BDP1: variants seen among roughly 807,000 people sequenced by gnomAD.
The protein encoded by BDP1 is transcription factor TFIIIB component B'' homolog.
In BDP1, 169 loss-of-function variants were observed where a neutral mutation model predicts 266.6. The observed-to-expected ratio is 0.63, with a 90% CI of 0.56 to 0.72. BDP1 has a LOEUF of 0.72. Among genes scored for constraint, BDP1 ranks in the 30% least tolerant of loss-of-function variants. The pLI is 0.00. For synonymous variants in BDP1, 1,090 were observed against 1,022.4 expected (o/e 1.07, Z -1.26); for missense variants, 3,015 against 3,053.8 (o/e 0.99, Z 0.30).
chr5:71,498,796 TC>T (rs1354569427), intron 13 of BDP1, among the ~76,000 whole-genome samples: 1 of 151,248 alleles, frequency 6.6e-6, no homozygotes, highest in Non-Finnish European at 1.5e-5. Context: ...TGATCCTGGC[TC>T]ACTGCAGCCT....
At chr5:71,513,120 A>T in intron 18 of BDP1, 65 bp from the exon 19 acceptor site, 1 of 1,113,806 alleles carries the variant, frequency 9.0e-7, no homozygotes, top group South Asian at 1.4e-5. Context: ...CTAAGGTTGT[A>T]CTGAGACTCC....
chr5:71,560,347 C>T (rs1454250851), intron 37 of BDP1, 110 bp downstream of exon 37: 2 of 1,172,818 alleles, frequency 1.7e-6, no homozygotes, highest in Admixed American at 3.0e-5. Context: ...AAACATATTC[C>T]TCCATCAGTA....
intron 12 of BDP1, among the ~76,000 whole-genome samples, chr5:71,496,586 C>G (rs775053739): frequency 6.6e-6 from 1 of 151,904 alleles, no homozygotes; most frequent in Non-Finnish European, 1.5e-5. Context: ...TATAGGTGCT[C>G]GCCACCACAT....
In BDP1 at chr5:71,501,633, A is replaced by AGAAGCT; in HGVS notation, c.2032_2037dup (p.Ala678_Glu679dup). On this transcript the variant is annotated inframe_insertion, in exon 14 of 39. Coordinates refer to ENST00000358731, the MANE Select transcript of BDP1 (RefSeq NM_018429.3). ...TGGAGACTACAGAGAGAGAGAATCC[A>AGAAGCT]GAAGCTGAAACTGTATCTGTGTGAG... is the stretch of plus-strand genomic sequence containing the variant. 6.4e-7 allele frequency: 1 copy of AGAAGCT among 1,565,608 alleles called. No homozygotes were observed. The highest frequency in any genetic ancestry group is 8.8e-7 in the Non-Finnish European group (1 of 1,136,982).
intron 7 of BDP1, among the ~76,000 whole-genome samples, chr5:71,483,430 T>C (rs1016161578): frequency 3.3e-5 from 5 of 152,210 alleles, no homozygotes; most frequent in Non-Finnish European, 7.3e-5. Flanking sequence ...AAATTTCACT[T>C]AGTTGTTTCT....
At chr5:71,559,355 AT>A (rs1743466022) in intron 36 of BDP1, among the ~76,000 whole-genome samples, 1 of 152,206 alleles carries the variant, frequency 6.6e-6, no homozygotes, top group Non-Finnish European at 1.5e-5. Flanking sequence ...GTTCTATGCT[AT>A]CTTTAATTAG....
At chr5:71,572,695 C>A (rs572546679), downstream of BDP1, among the ~76,000 whole-genome samples, 1 of 152,178 alleles carries the variant, frequency 6.6e-6, no homozygotes, top group Non-Finnish European at 1.5e-5. Context: ...GAGGTTATTA[C>A]GCATAACCCA....
intron 7 of BDP1, among the ~76,000 whole-genome samples, chr5:71,481,901 T>G (rs1290646641): frequency 6.6e-6 from 1 of 152,218 alleles, no homozygotes; most frequent in African/African-American, 2.4e-5. Flanking sequence ...GCTGCTTTAA[T>G]GCATTAGTAC....
intron 35 of BDP1, 29 bp downstream of exon 35, chr5:71,553,349 A>G (rs1561785479): frequency 6.6e-6 from 10 of 1,522,494 alleles, no homozygotes; most frequent in African/African-American, 2.7e-5. Context: ...ACCACTCAAT[A>G]TGGCCATTAA....
At chr5:71,515,756 A>G (rs1427060462) in intron 20 of BDP1, among the ~76,000 whole-genome samples, 21 of 152,108 alleles carry the variant, frequency 1.4e-4, no homozygotes, top group Admixed American at 1.4e-3. Flanking sequence ...ATCTTCATAA[A>G]ATGAAACTCT....
In BDP1 at chr5:71,489,580, A is replaced by G; in HGVS notation, c.1390A>G (p.Arg464Gly). 6.2e-7 allele frequency: 1 copy of G among 1,614,098 alleles called. No individual in the cohort carries two copies. ...ALEVDLNQKK[R>G]RRKKQDGANE... ...AGAAGTAGACCTAAATCAAAAGAAAAGAAGGAGGAAGAAGCAAGATGGAGC... is the reference window on the plus strand; with the variant it reads ...AGAAGTAGACCTAAATCAAAAGAAAGGAAGGAGGAAGAAGCAAGATGGAGC... Residue 464 changes from arginine to glycine, a missense_variant, in exon 10 of 39, where the codon AGA (arginine) becomes GGA (glycine). Physicochemically the swap from Arg to Gly is moderately radical, Grantham distance 125. This residue lies in a region of BDP1 where 2,383 missense variants were observed against 2,404.9 expected (regional missense o/e 0.99). Transcript: ENST00000358731.
chr5:71,549,400 T>C lies in BDP1; in HGVS notation c.6809-20T>C. 11 of 1,581,120 alleles carry C rather than the reference T, an allele frequency of 7.0e-6. No individual in the cohort carries two copies. Among genetic ancestry groups the C allele is most frequent in the Non-Finnish European group, 9.5e-6 (11 of 1,162,242 alleles). Reference sequence around the variant, plus strand: ...TTTCATAGTTGAGCTTTTTTATTACTAACTTTTAAACTTTGATAGTGAATC... The same window carrying C: ...TTTCATAGTTGAGCTTTTTTATTACCAACTTTTAAACTTTGATAGTGAATC... On this transcript the variant is annotated intron_variant, in intron 33 of 38. Transcript: ENST00000358731.
chr5:71,552,654 C>T (rs1420707983), intron 34 of BDP1, among the ~76,000 whole-genome samples: 2 of 152,232 alleles, frequency 1.3e-5, no homozygotes, highest in African/African-American at 4.8e-5. Flanking sequence ...CCCGTCTCCA[C>T]CAAAAAAATA....
downstream of BDP1, among the ~76,000 whole-genome samples, chr5:71,569,661 A>T (rs1268218292): frequency 6.6e-6 from 1 of 152,070 alleles, no homozygotes; most frequent in Non-Finnish European, 1.5e-5. Context: ...TGGGAGGATC[A>T]CTTGAGCCCA....
chr5:71,512,061 A>G (rs1764949925), intron 17 of BDP1, among the ~76,000 whole-genome samples, 180 bp from the exon 18 acceptor site: 1 of 152,114 alleles, frequency 6.6e-6, no homozygotes, highest in Admixed American at 6.6e-5. Flanking sequence ...ATAATATGCA[A>G]CATAAAAGGG....
rs371357111 is a variant in BDP1 at position 71,547,155 on chromosome 5, C to CT, written c.6745-1518dup. ...GGTGTGAGCCACCACGCCTGGCCAG[C>CT]TTTTTTTTTATTTTTCTTAAATTCA... On this transcript the variant is annotated intron_variant, in intron 32 of 38. Coordinates refer to ENST00000358731, the MANE Select transcript of BDP1 (RefSeq NM_018429.3). Among the ~76,000 whole-genome samples, 215 of 149,396 alleles carry CT rather than the reference C, an allele frequency of 1.4e-3. 1 individual carries two copies. The highest frequency in any genetic ancestry group is 0.014 in the Middle Eastern group (4 of 288).
intron 4 of BDP1, among the ~76,000 whole-genome samples, chr5:71,465,493 C>A (rs1198479798): frequency 6.6e-6 from 1 of 152,052 alleles, no homozygotes; most frequent in Non-Finnish European, 1.5e-5. Flanking sequence ...CAACTCCTGG[C>A]CTCGAGTGAT....
At position 71,549,578 on chromosome 5, in the gene BDP1, G is replaced by C. The variant is rs750858541; in HGVS notation, c.6967G>C (p.Val2323Leu). ...LLPAPILVKS[V>L]NTEERGDMSI... Reference sequence around the variant, plus strand: ...GCCAGCTCCCATATTGGTCAAATCAGTGAATACCGAAGAAAGGGGTGACAT... The same window carrying C: ...GCCAGCTCCCATATTGGTCAAATCACTGAATACCGAAGAAAGGGGTGACAT... Residue 2323 changes from valine to leucine, a missense_variant, in exon 34 of 39, where the codon GTG (valine) becomes CTG (leucine). This residue lies in a region of BDP1 where 629 missense variants were observed against 632.5 expected (regional missense o/e 0.99). Transcript: ENST00000358731. 2.0e-5 allele frequency: 32 copies of C among 1,607,900 alleles called. No homozygotes were observed. Among genetic ancestry groups the C allele is most frequent in the Non-Finnish European group, 2.5e-5 (30 of 1,178,072 alleles).
chr5:71,493,072 G>A (rs906706187), intron 11 of BDP1, among the ~76,000 whole-genome samples: 8 of 152,064 alleles, frequency 5.3e-5, no homozygotes, highest in South Asian at 2.1e-4. Flanking sequence ...CATTGAGAGC[G>A]GTAAGGATGT....
Sources: gnomAD v4.1 joint callset for allele counts (sites outside exome capture counted in the v4.1 genomes callset) on GRCh38, gnomAD v4.1.1 for gene constraint, gnomAD v4.1.1 regional missense constraint, MANE v1.5 for transcripts, NCBI Gene and HGNC (gene_info 2026-07-23, HGNC 2026-07-21) for gene names.